TMC1: variants seen among roughly 807,000 people sequenced by gnomAD.
The protein encoded by TMC1 is transmembrane channel like 1.
In TMC1, 84 loss-of-function variants were observed where a neutral mutation model predicts 105.8. The observed-to-expected ratio is 0.79, with a 90% CI of 0.67 to 0.95. TMC1 has a LOEUF of 0.95. TMC1 is among the 40% of genes least tolerant of loss of function. TMC1 has a pLI of 0.00. For missense variants in TMC1, 817 were observed against 914.1 expected, an observed-to-expected ratio of 0.89 and a Z score of 1.37; for synonymous variants, 315 against 311.5, an observed-to-expected ratio of 1.01 and a Z score of -0.12.
chr9:72,548,145 G>A (rs1823802673), intron 1 of TMC1, among the ~76,000 whole-genome samples: 1 of 152,132 alleles, frequency 6.6e-6, no homozygotes, highest in African/African-American at 2.4e-5. Context: ...TCAATCCATA[G>A]CACTGAGTCT....
chr9:72,817,601 G>T (rs1320140961), intron 19 of TMC1, among the ~76,000 whole-genome samples: 2 of 152,144 alleles, frequency 1.3e-5, no homozygotes, highest in Non-Finnish European at 2.9e-5. Flanking sequence ...GGCCTCATGG[G>T]TACCATTCAC....
At chr9:72,740,406 GAAA>G (rs1035544968) in intron 9 of TMC1, among the ~76,000 whole-genome samples, 197 bp downstream of exon 9, 3 of 152,122 alleles carry the variant, frequency 2.0e-5, no homozygotes, top group Non-Finnish European at 2.9e-5. Context: ...GAGTTAAAAT[GAAA>G]AATAAGTCAA....
At chr9:72,582,022 A>AGC (rs1824483726) in intron 2 of TMC1, among the ~76,000 whole-genome samples, 3 of 152,170 alleles carry the variant, frequency 2.0e-5, no homozygotes, top group African/African-American at 7.2e-5. Context: ...CAATGGCGCG[A>AGC]TCTCGGCTCA....
At chr9:72,602,694 T>C (rs576113149) in intron 2 of TMC1, among the ~76,000 whole-genome samples, 2 of 152,308 alleles carry the variant, frequency 1.3e-5, no homozygotes, top group African/African-American at 4.8e-5. Context: ...TGTATTTTTA[T>C]TTCCCAAGTA....
chr9:72,555,608 C>T (rs912950458), intron 1 of TMC1, among the ~76,000 whole-genome samples: 5 of 151,884 alleles, frequency 3.3e-5, no homozygotes, highest in African/African-American at 1.2e-4. Context: ...TCCTTGGGTC[C>T]TTTTGCCTCT....
Position 72,805,423 on chromosome 9 carries a change from C to T in TMC1, c.1608C>T (p.Tyr536=), listed in dbSNP as rs552170649. The change falls in exon 18 of 24, where the codon TAC becomes TAT. Residue 536 remains tyrosine (Y), a synonymous_variant. Coordinates refer to ENST00000297784, the MANE Select transcript of TMC1 (RefSeq NM_138691.3). ...RLTVSDVLTT[Y]VTILIGDFLR... is the part of the protein sequence containing the mutation. The stretch of plus-strand genomic sequence containing the variant: ...CAGTCTCTGATGTTCTGACCACCTA[C>T]GTCACAATCCTCATTGGGGACTTTC... 2.5e-5 allele frequency: 40 copies of T among 1,613,640 alleles called. No homozygotes were observed. In the African/African-American group the frequency reaches 3.6e-4, roughly 15 times the overall value.
At chr9:72,635,304 T>C (rs1395993589) in intron 4 of TMC1, among the ~76,000 whole-genome samples, 1 of 152,078 alleles carries the variant, frequency 6.6e-6, no homozygotes, top group Non-Finnish European at 1.5e-5. Context: ...TTCAGATTTT[T>C]ATGAGGGCTT....
chr9:72,669,380 C>G (rs558250725), intron 5 of TMC1, among the ~76,000 whole-genome samples: 2 of 152,240 alleles, frequency 1.3e-5, no homozygotes, highest in East Asian at 3.9e-4. Context: ...TAACATCTCA[C>G]AACCTCATCA....
intron 1 of TMC1, among the ~76,000 whole-genome samples, chr9:72,544,935 C>T (rs1021975695): frequency 6.6e-6 from 1 of 151,852 alleles, no homozygotes; most frequent in South Asian, 2.1e-4. Flanking sequence ...TTATCCTTCA[C>T]CCCCCCAAGT....
chr9:72,584,187 AGAG>A (rs1824514841), intron 2 of TMC1, among the ~76,000 whole-genome samples: 2 of 152,196 alleles, frequency 1.3e-5, no homozygotes, highest in African/African-American at 4.8e-5. Context: ...TAAAAGATAA[AGAG>A]GTATTTCAAA....
At chr9:72,554,961 C>G (rs1461391137) in intron 1 of TMC1, among the ~76,000 whole-genome samples, 1 of 152,172 alleles carries the variant, frequency 6.6e-6, no homozygotes, top group Non-Finnish European at 1.5e-5. Flanking sequence ...TCACTGCAAT[C>G]TCTGCTGCCC....
At chr9:72,531,874 G>T (rs899290507) in intron 1 of TMC1, among the ~76,000 whole-genome samples, 2 of 151,950 alleles carry the variant, frequency 1.3e-5, no homozygotes, top group Non-Finnish European at 2.9e-5. Flanking sequence ...CCTGTATCTG[G>T]CTGGCAATTC....
At chr9:72,664,754 T>A (rs1310288789) in intron 5 of TMC1, among the ~76,000 whole-genome samples, 1 of 152,072 alleles carries the variant, frequency 6.6e-6, no homozygotes, top group Non-Finnish European at 1.5e-5. Context: ...CCCAGTAAAA[T>A]CCTCACATTC....
chr9:72,592,636 G>T (rs1279343763), intron 2 of TMC1, among the ~76,000 whole-genome samples: 1 of 152,166 alleles, frequency 6.6e-6, no homozygotes, highest in African/African-American at 2.4e-5. Context: ...CAAAGCCATG[G>T]TTATGTATCT....
At chr9:72,617,090 T>C (rs1246884488) in intron 3 of TMC1, among the ~76,000 whole-genome samples, 1 of 152,210 alleles carries the variant, frequency 6.6e-6, no homozygotes, top group African/African-American at 2.4e-5. Context: ...CTTCAAGAGT[T>C]ATTCATTTAT....
At chr9:72,609,216 CCTT>C (rs1824981733) in intron 2 of TMC1, among the ~76,000 whole-genome samples, 1 of 149,414 alleles carries the variant, frequency 6.7e-6, no homozygotes, top group Admixed American at 7.1e-5. Flanking sequence ...TTCCTTCCTT[CCTT>C]CCTTCCTTCC....
rs137911146 is a variant in TMC1, at chr9:72,703,845, G to A, written c.362+3202G>A. ...CAGAAGTGGTTTCTGCCTTGTGGCCGCACCTATGGGTTCCAGCTGGTGCCA... is the reference window on the plus strand; with the variant it reads ...CAGAAGTGGTTTCTGCCTTGTGGCCACACCTATGGGTTCCAGCTGGTGCCA... On this transcript the variant is annotated intron_variant, in intron 8 of 23. Coordinates refer to ENST00000297784, the MANE Select transcript of TMC1 (RefSeq NM_138691.3). Among the ~76,000 whole-genome samples the A allele has an allele frequency of 6.1e-3, 924 of 152,312 alleles. 13 individuals carry two copies. The highest frequency in any genetic ancestry group is 0.027 in the Middle Eastern group (8 of 294).
In TMC1 at chr9:72,830,614, T is replaced by C; in HGVS notation, c.2209-17T>C. On this transcript the variant is annotated splice_polypyrimidine_tract_variant and intron_variant, in intron 22 of 23. Transcript: ENST00000297784. ...ACTGAGAAATCTACTTTTTTCCCCT[T>C]ATTTTTTATTGTGTAGCAAGCTTTG... 6.2e-7 allele frequency: 1 copy of C among 1,613,274 alleles called. No homozygotes were observed. The highest frequency in any genetic ancestry group is 8.5e-7 in the Non-Finnish European group (1 of 1,179,472).
rs1433853309 is a variant in TMC1, at chr9:72,830,647, A to G, written c.2225A>G (p.Lys742Arg). ...KKMKMQALEN[K>R]MRNKKMAAAR... ...ATTGTGTAGCAAGCTTTGGAGAACA[A>G]AATGCGAAACAAGAAAATGGCAGCT... The change falls in exon 23 of 24, where the codon AAA becomes AGA. Residue 742 changes from lysine to arginine, a missense_variant. Lys to Arg is a conservative substitution (Grantham distance 26, BLOSUM62 2). Coordinates refer to ENST00000297784, the MANE Select transcript of TMC1 (RefSeq NM_138691.3). The G allele has an allele frequency of 6.2e-7, 1 of 1,613,674 alleles. No individual in the cohort carries two copies. Among genetic ancestry groups the G allele is most frequent in the African/African-American group, 1.3e-5 (1 of 74,908 alleles).
Sources: gnomAD v4.1 joint callset for allele counts (sites outside exome capture counted in the v4.1 genomes callset) on GRCh38, gnomAD v4.1.1 for gene constraint, MANE v1.5 for transcripts, NCBI Gene and HGNC (gene_info 2026-07-23, HGNC 2026-07-21) for gene names.